Variants in XKR4 observed in about 807,000 individuals in gnomAD.
XKR4 encodes XK related 4, also known as XK-related protein 4.
In XKR4, 12 loss-of-function variants were observed where a neutral mutation model predicts 53.9. The observed-to-expected ratio is 0.22, with a 90% confidence interval of 0.14 to 0.36. The LOEUF (loss-of-function observed/expected upper bound fraction) is 0.36, where lower values mean the gene tolerates loss of function less well. Among genes scored for constraint, XKR4 ranks in the 10% least tolerant of loss-of-function variants. XKR4 has a pLI of 1.00. For missense variants in XKR4, 799 were observed against 859.5 expected, an observed-to-expected ratio of 0.93 and a Z score of 0.88; for synonymous variants, 354 against 362.4, an observed-to-expected ratio of 0.98 and a Z score of 0.26.
chr8:55,453,095 G>T (rs1018692730), intron 2 of XKR4: 2 of 557,334 alleles, frequency 3.6e-6, no homozygotes, highest in East Asian at 4.7e-5. Flanking sequence ...TCCAGGTAAA[G>T]GACCCAGATA....
intron 2 of XKR4, among the ~76,000 whole-genome samples, chr8:55,380,876 A>G (rs115156922): frequency 8.5e-4 from 130 of 152,378 alleles, no homozygotes; most frequent in Middle Eastern, 3.4e-3. Context: ...TGCATTTGAT[A>G]AAAGAGTCAA....
At chr8:55,200,597 T>TA (rs1313168255) in intron 1 of XKR4, among the ~76,000 whole-genome samples, 47 of 152,344 alleles carry the variant, frequency 3.1e-4, no homozygotes, top group Non-Finnish European at 5.9e-5. Context: ...ACATATGAGT[T>TA]AAAAAATCAC....
rs559943256 is a variant in XKR4, at chr8:55,316,999, T to C, written c.807-40679T>C. Among the ~76,000 whole-genome samples, 3 of 152,310 alleles carry C rather than the reference T, an allele frequency of 2.0e-5. No homozygotes were observed. The South Asian group carries it at 6.2e-4, about 32-fold the overall frequency. On this transcript the variant is annotated intron_variant, in intron 1 of 2. Transcript: ENST00000327381. Reference sequence around the variant, plus strand: ...CTGGCTGGGAAGCTTTTAATAAATATTTATTTTCAGTGGCTCAAAAAATAA... The same window carrying C: ...CTGGCTGGGAAGCTTTTAATAAATACTTATTTTCAGTGGCTCAAAAAATAA...
intron 1 of XKR4, among the ~76,000 whole-genome samples, chr8:55,216,494 A>G (rs911948260): frequency 4.6e-5 from 7 of 152,160 alleles, no homozygotes; most frequent in Non-Finnish European, 8.8e-5. Flanking sequence ...TTGAGAGGCC[A>G]AGGCGGGCTG....
intron 2 of XKR4, chr8:55,449,642 G>C: frequency 1.0e-6 from 1 of 979,768 alleles, no homozygotes; most frequent in African/African-American, 1.6e-5. Flanking sequence ...GCTCTTAGGG[G>C]CACCCATGGT....
rs576970579 is a variant in XKR4, at chr8:55,455,182, G to T, written c.1007-68099G>T. On this transcript the variant is annotated intron_variant, in intron 2 of 2. Coordinates refer to ENST00000327381, the MANE Select transcript of XKR4 (RefSeq NM_052898.2). ...GGGCTCCGCGGCTCGGGGACTCGAGGGCTGCGCGCTCATGGCCCGGGCCTG... is the reference window on the plus strand; with the variant it reads ...GGGCTCCGCGGCTCGGGGACTCGAGTGCTGCGCGCTCATGGCCCGGGCCTG... 135 of 501,448 alleles carry T rather than the reference G, an allele frequency of 2.7e-4. 4 individuals carry two copies. Among genetic ancestry groups the T allele is most frequent in the South Asian group, 2.4e-3 (135 of 55,494 alleles). The allele number at this position is 501,448 out of a possible 1,614,324, so 31.1% of individuals were successfully genotyped here.
At chr8:55,385,604 A>G (rs1453633754) in intron 2 of XKR4, among the ~76,000 whole-genome samples, 2 of 152,264 alleles carry the variant, frequency 1.3e-5, no homozygotes. Flanking sequence ...ACAGCTCAGC[A>G]AAGTAACATC....
At chr8:55,376,509 C>A (rs1585545597) in intron 2 of XKR4, among the ~76,000 whole-genome samples, 1 of 152,042 alleles carries the variant, frequency 6.6e-6, no homozygotes, top group Non-Finnish European at 1.5e-5. Context: ...AGTTTATTGG[C>A]CACATGTATG....
chr8:55,329,269 G>T (rs894573035), intron 1 of XKR4, among the ~76,000 whole-genome samples: 2 of 152,238 alleles, frequency 1.3e-5, no homozygotes, highest in Admixed American at 6.5e-5. Context: ...AGCCTATAGA[G>T]TCTTAAGCTT....
chr8:55,339,351 T>C (rs1235199377), intron 1 of XKR4, among the ~76,000 whole-genome samples: 1 of 152,198 alleles, frequency 6.6e-6, no homozygotes, highest in Non-Finnish European at 1.5e-5. Flanking sequence ...ACCACTTTCA[T>C]AAGGCTTCCG....
At position 55,103,074 on chromosome 8, in the gene XKR4, G is replaced by A. The variant is rs1816078530; in HGVS notation, c.586G>A (p.Val196Ile). 7 of 1,612,824 alleles carry A rather than the reference G, an allele frequency of 4.3e-6. No homozygotes were observed. The highest frequency in any genetic ancestry group is 5.9e-6 in the Non-Finnish European group (7 of 1,179,766). ...PQPGADCKTV[V>I]GGGSAAGEGE... The stretch of plus-strand genomic sequence containing the variant: ...GCCTGGAGCCGATTGCAAGACGGTG[G>A]TCGGCGGTGGGTCTGCAGCCGGGGA... Residue 196 changes from valine to isoleucine, a missense_variant, in exon 1 of 3, where the codon GTC becomes ATC. By Grantham distance (29) the Val-to-Ile change is conservative. Around this residue, in one of 3 missense-constraint regions of XKR4, gnomAD observed 476 missense variants for 505.4 expected, o/e 0.94. Transcript: ENST00000327381.
At position 55,173,260 on chromosome 8, in the gene XKR4, G is replaced by A. The variant is rs368788908; in HGVS notation, c.806+69966G>A. ...GGGTACTGCACGCACACTAAAGTCC[G>A]CTCCCAGCATGGCACAGGGGCTCCC... On this transcript the variant is annotated intron_variant, in intron 1 of 2. Transcript: ENST00000327381. Among the ~76,000 whole-genome samples, 6 of 151,450 alleles carry A rather than the reference G, an allele frequency of 4.0e-5. No homozygotes were observed. The South Asian group carries it at 6.3e-4, about 16-fold the overall frequency.
chr8:55,498,291 T>C (rs1417170889), intron 2 of XKR4, among the ~76,000 whole-genome samples: 1 of 152,104 alleles, frequency 6.6e-6, no homozygotes, highest in East Asian at 1.9e-4. Context: ...ATCCCCATGG[T>C]CGCCTTCCGT....
chr8:55,153,708 T>A (rs967275173), intron 1 of XKR4, among the ~76,000 whole-genome samples: 1 of 152,208 alleles, frequency 6.6e-6, no homozygotes, highest in African/African-American at 2.4e-5. Context: ...AAATCTTAAC[T>A]GTTAAGTGCC....
intron 1 of XKR4, among the ~76,000 whole-genome samples, chr8:55,326,063 G>A (rs1216487243): frequency 6.6e-6 from 1 of 152,068 alleles, no homozygotes; most frequent in African/African-American, 2.4e-5. Context: ...GAAGAATGTG[G>A]GCTTGATCCT....
intron 1 of XKR4, among the ~76,000 whole-genome samples, chr8:55,105,433 T>C (rs7012909): frequency 0.87 from 131,990 of 152,014 alleles, 57,405 homozygotes; most frequent in East Asian, 0.95. Context: ...GACAAATGTA[T>C]TAACTGACCC....
Position 55,200,087 on chromosome 8 carries a change from C to T in XKR4, c.806+96793C>T, listed in dbSNP as rs757821942. The stretch of plus-strand genomic sequence containing the variant: ...CTGTATCCTTTTTTCTTTTTTGAGA[C>T]GGAGTCTGGTTCTGTCACCTAGGCT... On this transcript the variant is annotated intron_variant, in intron 1 of 2. Coordinates refer to ENST00000327381, the MANE Select transcript of XKR4 (RefSeq NM_052898.2). Among the ~76,000 whole-genome samples, 10 of 152,068 alleles carry T rather than the reference C, an allele frequency of 6.6e-5. 1 individual carries two copies. Among genetic ancestry groups the T allele is most frequent in the Non-Finnish European group, 1.0e-4 (7 of 68,018 alleles).
At chr8:55,474,847 A>C (rs1056274607) in intron 2 of XKR4, among the ~76,000 whole-genome samples, 5 of 152,128 alleles carry the variant, frequency 3.3e-5, no homozygotes, top group African/African-American at 1.2e-4. Context: ...CCACATTATC[A>C]GAGTGTTCTT....
chr8:55,486,929 C>T (rs1806200429), intron 2 of XKR4, among the ~76,000 whole-genome samples: 1 of 152,082 alleles, frequency 6.6e-6, no homozygotes, highest in South Asian at 2.1e-4. Flanking sequence ...ATTCAGTTTC[C>T]CCAATACCAA....
Sources: allele counts gnomAD v4.1 joint callset (sites outside exome capture counted in the v4.1 genomes callset), GRCh38; gene constraint gnomAD v4.1.1; regional missense constraint gnomAD v4.1.1; transcripts MANE v1.5; gene names NCBI Gene and HGNC (gene_info 2026-07-23, HGNC 2026-07-21).